DYNAP: variants seen among roughly 807,000 people sequenced by gnomAD.
DYNAP encodes the protein dynactin-associated protein.
DYNAP carries 7 observed loss-of-function variants against 8.5 expected under a neutral mutation model. The ratio of observed to expected loss-of-function variants is 0.82; its 90% CI spans 0.47 to 1.54. DYNAP has a LOEUF of 1.54. Ranked by LOEUF, DYNAP falls within the 40% of genes most tolerant of loss-of-function variation. The pLI is 0.01. For missense variants in DYNAP, 256 were observed against 224.3 expected, an observed-to-expected ratio of 1.14 and a Z score of -0.90; for synonymous variants, 77 against 77.9, an observed-to-expected ratio of 0.99 and a Z score of 0.06.
In DYNAP at chr18:54,599,449, T is replaced by C. The variant is rs1599457427; in HGVS notation, c.*1304T>C. 2 of 152,218 alleles carry C rather than the reference T, an allele frequency of 1.3e-5. No individual in the cohort carries two copies. Among genetic ancestry groups the C allele is most frequent in the East Asian group, 3.9e-4 (2 of 5,188 alleles). 9.4% of individuals were successfully genotyped at this position (152,218 alleles called of 1,614,324 possible). On this transcript the variant is annotated 3_prime_UTR_variant, in exon 3 of 3. Transcript: ENST00000648945. ...ATTGTACAATATGTGAGTCTAATTCTTGCTAACATAACATTATTGCCTACA... is the reference window on the plus strand; with the variant it reads ...ATTGTACAATATGTGAGTCTAATTCCTGCTAACATAACATTATTGCCTACA...
upstream of DYNAP, among the ~76,000 whole-genome samples, chr18:54,583,225 G>T (rs2144879424): frequency 6.6e-6 from 1 of 152,236 alleles, no homozygotes; most frequent in Admixed American, 6.5e-5. Flanking sequence ...GGTGGTCAGA[G>T]GGCTGCAGAA....
chr18:54,579,313 A>G, the DYNAP span, among the ~76,000 whole-genome samples: 71 of 152,332 alleles, frequency 4.7e-4, no homozygotes, highest in East Asian at 0.013. Context: ...GTATTTTTTA[A>G]GTTTGGTGTC....
chr18:54,595,658 G>A (rs899747418), intron 2 of DYNAP, among the ~76,000 whole-genome samples: 7 of 152,090 alleles, frequency 4.6e-5, no homozygotes, highest in African/African-American at 1.7e-4. Context: ...TTGGAGACCA[G>A]ACTCAGCTCT....
chr18:54,594,118 C>A (rs1911190559), intron 1 of DYNAP, among the ~76,000 whole-genome samples: 1 of 152,060 alleles, frequency 6.6e-6, no homozygotes, highest in Admixed American at 6.6e-5. Context: ...GAATAATTTA[C>A]AATTATTGCA....
upstream of DYNAP, among the ~76,000 whole-genome samples, chr18:54,589,416 G>A (rs1278861884): frequency 6.6e-6 from 1 of 152,126 alleles, no homozygotes; most frequent in Non-Finnish European, 1.5e-5. Context: ...TTCTGTTAAG[G>A]TTTAGATTGA....
chr18:54,585,794 C>T (rs189266502), upstream of DYNAP, among the ~76,000 whole-genome samples: 43 of 152,274 alleles, frequency 2.8e-4, no homozygotes, highest in African/African-American at 8.7e-4. Context: ...GACTCAGGTA[C>T]GAGTTCTATG....
At chr18:54,577,796 G>A in the DYNAP span, among the ~76,000 whole-genome samples, 3 of 151,372 alleles carry the variant, frequency 2.0e-5, no homozygotes, top group Non-Finnish European at 2.9e-5. Flanking sequence ...GTGAAACCCG[G>A]TCTCTACTAA....
At position 54,598,203 on chromosome 18, in the gene DYNAP, A is replaced by G. The variant is rs1911397967; in HGVS notation, c.*58A>G. On this transcript the variant is annotated 3_prime_UTR_variant, in exon 3 of 3. Transcript: ENST00000648945. Reference sequence around the variant, plus strand: ...ACTTCAACCTCTACCACTTCAACTCAGTTTGCAACTATAATAGCTACTCCT... The same window carrying G: ...ACTTCAACCTCTACCACTTCAACTCGGTTTGCAACTATAATAGCTACTCCT... 2 of 1,522,824 alleles carry G rather than the reference A, an allele frequency of 1.3e-6. No homozygotes were observed. Among genetic ancestry groups the G allele is most frequent in the Admixed American group, 3.7e-5 (2 of 54,064 alleles). The allele number at this position is 1,522,824 out of a possible 1,614,324, so 94.3% of individuals were successfully genotyped here. A position where few individuals can be genotyped will look rare whatever the true frequency, so the allele number is the denominator to read the frequency against.
upstream of DYNAP, among the ~76,000 whole-genome samples, chr18:54,588,023 T>G (rs1910941747): frequency 6.6e-6 from 1 of 152,182 alleles, no homozygotes; most frequent in African/African-American, 2.4e-5. Flanking sequence ...AACATTCTCT[T>G]TGATTGAACA....
At chr18:54,596,369 A>C (rs1026019952) in intron 2 of DYNAP, among the ~76,000 whole-genome samples, 1 of 152,058 alleles carries the variant, frequency 6.6e-6, no homozygotes, top group Non-Finnish European at 1.5e-5. Flanking sequence ...CTCCATGTCC[A>C]GCCTCTGCTG....
chr18:54,598,583 A>C lies in DYNAP; in HGVS notation c.*438A>C. On this transcript the variant is annotated 3_prime_UTR_variant, in exon 3 of 3. Transcript: ENST00000648945. ...GGGAGTCATGCCCTACAAACCATAAATTCTCATCAGATGGGTTTTATTTAA... is the reference window on the plus strand; with the variant it reads ...GGGAGTCATGCCCTACAAACCATAACTTCTCATCAGATGGGTTTTATTTAA... 1 of 161,250 alleles carries C rather than the reference A, an allele frequency of 6.2e-6. No homozygotes were observed. Among genetic ancestry groups the C allele is most frequent in the Non-Finnish European group, 1.4e-5 (1 of 73,262 alleles). 10.0% of individuals were successfully genotyped at this position (161,250 alleles called of 1,614,324 possible).
At chr18:54,589,576 C>G (rs1599447207), upstream of DYNAP, among the ~76,000 whole-genome samples, 1 of 152,150 alleles carries the variant, frequency 6.6e-6, no homozygotes, top group African/African-American at 2.4e-5. Context: ...TTAAAATTTT[C>G]TCCCAAATTT....
the DYNAP span, among the ~76,000 whole-genome samples, chr18:54,582,661 C>T: frequency 6.6e-6 from 1 of 152,322 alleles, no homozygotes; most frequent in South Asian, 2.1e-4. Flanking sequence ...ATGTTCTGTT[C>T]TTCAAAAATG....
intron 1 of DYNAP, among the ~76,000 whole-genome samples, chr18:54,594,243 G>T (rs1911195101): frequency 6.6e-6 from 1 of 152,014 alleles, no homozygotes. Context: ...TGCCCAAGAG[G>T]AACCCAGCAA....
chr18:54,579,671 C>A, the DYNAP span, among the ~76,000 whole-genome samples: 1 of 152,180 alleles, frequency 6.6e-6, no homozygotes, highest in Non-Finnish European at 1.5e-5. Context: ...GGTTGAACAT[C>A]AAGAAAAATA....
chr18:54,585,474 C>A (rs1291574506), upstream of DYNAP, among the ~76,000 whole-genome samples: 1 of 152,168 alleles, frequency 6.6e-6, no homozygotes, highest in Non-Finnish European at 1.5e-5. Context: ...TTGCCTCTTT[C>A]TACCACTTCA....
At position 54,597,794 on chromosome 18, in the gene DYNAP, T is replaced by C; in HGVS notation, c.223-19T>C. ...GCATTTTTGTTTTTCATTGCTGATA[T>C]TTTTATATACATGCTTAGGTAAAAG... On this transcript the variant is annotated intron_variant, in intron 2 of 2. Coordinates refer to ENST00000648945, the MANE Select transcript of DYNAP (RefSeq NM_173629.3). The C allele has an allele frequency of 6.3e-7, 1 of 1,575,038 alleles. No homozygotes were observed. Among genetic ancestry groups the C allele is most frequent in the Non-Finnish European group, 8.6e-7 (1 of 1,160,194 alleles).
At chr18:54,590,572 C>T (rs1278222678), upstream of DYNAP, among the ~76,000 whole-genome samples, 2 of 152,106 alleles carry the variant, frequency 1.3e-5, no homozygotes, top group Non-Finnish European at 1.5e-5. Flanking sequence ...GCACTACAAA[C>T]ATACCTGGCA....
Position 54,598,283 on chromosome 18 carries a change from A to T in DYNAP, c.*138A>T, listed in dbSNP as rs1045321392. Reference sequence around the variant, plus strand: ...CACTTTAACAGACTCTATAACCGTTACAACTTCAACAAAATCAAGTCCTAC... The same window carrying T: ...CACTTTAACAGACTCTATAACCGTTTCAACTTCAACAAAATCAAGTCCTAC... On this transcript the variant is annotated 3_prime_UTR_variant, in exon 3 of 3. Coordinates refer to ENST00000648945, the MANE Select transcript of DYNAP (RefSeq NM_173629.3). 2.3e-6 allele frequency: 2 copies of T among 854,280 alleles called. No homozygotes were observed. Among genetic ancestry groups the T allele is most frequent in the South Asian group, 4.5e-5 (2 of 44,566 alleles). The allele number at this position is 854,280 out of a possible 1,614,324, so 52.9% of individuals were successfully genotyped here. A position where few individuals can be genotyped will look rare whatever the true frequency, so the allele number is the denominator to read the frequency against.
Sources: allele counts gnomAD v4.1 joint callset (sites outside exome capture counted in the v4.1 genomes callset), GRCh38; gene constraint gnomAD v4.1.1; transcripts MANE v1.5; gene names NCBI Gene and HGNC (gene_info 2026-07-23, HGNC 2026-07-21).